The following TTN variants were observed in gnomAD, a reference collection of about 807,000 sequenced individuals.
TTN encodes the protein connectin.
A neutral mutation model predicts 3,223.0 loss-of-function variants in TTN; 1,525 were observed. The observed-to-expected ratio is 0.47, with a 90% confidence interval of 0.45 to 0.49. The LOEUF (loss-of-function observed/expected upper bound fraction) is 0.49. TTN is among the 20% of genes least tolerant of loss of function. The probability of loss-of-function intolerance (pLI) is 0.00; values close to 1 mark genes in which losing one functional copy is unlikely to be tolerated. For synonymous variants in TTN, 14,094 were observed against 15,161.0 expected, an observed-to-expected ratio of 0.93 and a Z score of 5.17; for missense variants, 40,786 against 43,424.0, an observed-to-expected ratio of 0.94 and a Z score of 5.40.
chr2:178,652,269 G>A lies in TTN; in HGVS notation c.39206C>T (p.Thr13069Ile). 2.5e-6 allele frequency: 4 copies of A among 1,613,574 alleles called. No homozygotes were observed. Among genetic ancestry groups the A allele is most frequent in the Non-Finnish European group, 2.5e-6 (3 of 1,179,684 alleles). Residue 13069 changes from threonine to isoleucine, a missense_variant, in exon 203 of 363, where the codon ACA (threonine) becomes ATA (isoleucine). By Grantham distance (89) the Thr-to-Ile change is moderately conservative (BLOSUM62 -1). Coordinates refer to ENST00000589042, the MANE Select transcript of TTN (RefSeq NM_001267550.2). ...PPPKKPEVPP[T>I]KVPEVPKVAV... ...AGCACCATGAGGGTGTCTACCTTTTGTGGGTGGCACTTCAGGCTTTTTAGG... is the reference window on the plus strand; with the variant it reads ...AGCACCATGAGGGTGTCTACCTTTTATGGGTGGCACTTCAGGCTTTTTAGG...
Position 178,548,414 on chromosome 2 carries a change from G to A in TTN, c.93212C>T (p.Thr31071Ile), listed in dbSNP as rs780080115. 1 of 1,613,862 alleles carries A rather than the reference G, an allele frequency of 6.2e-7. No individual in the cohort carries two copies. The highest frequency in any genetic ancestry group is 8.5e-7 in the Non-Finnish European group (1 of 1,179,804). Residue 31071 changes from threonine to isoleucine, a missense_variant, in exon 339 of 363, where the codon ACT (threonine) becomes ATT (isoleucine). Coordinates refer to ENST00000589042, the MANE Select transcript of TTN (RefSeq NM_001267550.2). This position sits in a 1 kb window ranked among gnomAD's most constrained non-coding sequence, Gnocchi z 4.3. ...GTCATTGACCTTGAAGATCTGACGA[G>A]TGCATTTTTCACTGATAACCTGCCA... ...RSWQVISEKCTRQIFKVNDLA... is the reference protein window; with the variant it reads ...RSWQVISEKCIRQIFKVNDLA...
chr2:178,599,634 C>G lies in TTN; in HGVS notation c.56267G>C (p.Arg18756Thr). The G allele has an allele frequency of 1.2e-6, 2 of 1,612,558 alleles. No individual in the cohort carries two copies. Among genetic ancestry groups the G allele is most frequent in the East Asian group, 2.2e-5 (1 of 44,786 alleles). The change falls in exon 289 of 363, where the codon AGG becomes ACG. Residue 18756 changes from arginine (R) to threonine (T), a missense_variant. Transcript: ENST00000589042. ...GATGGTATATAAGCCAGTGTCACTC[C>G]TGCGAGACTGCGGAATAACTAAAGT... ...TCTLVIPQSR[R>T]SDTGLYTITA... is the part of the protein sequence containing the mutation.
In TTN at chr2:178,593,097, G is replaced by T. The variant is rs563870758; in HGVS notation, c.59036-14C>A. 70 of 1,610,742 alleles carry T rather than the reference G, an allele frequency of 4.3e-5. No individual in the cohort carries two copies. The highest frequency in any genetic ancestry group is 5.7e-5 in the Non-Finnish European group (67 of 1,178,936). On this transcript the variant is annotated splice_polypyrimidine_tract_variant and intron_variant, in intron 299 of 362. Transcript: ENST00000589042. ...GACTTGGTTTAGCTAAAAAATAAAA[G>T]TAAAAAACGAATTAGCATATAGCTG...
In TTN at chr2:178,591,133, C is replaced by T; in HGVS notation, c.60592G>A (p.Asp20198Asn). The change falls in exon 304 of 363, where the codon GAT becomes AAT. Residue 20198 changes from aspartate (D) to asparagine (N), a missense_variant. Asp to Asn is a conservative substitution (Grantham distance 23). Coordinates refer to ENST00000589042, the MANE Select transcript of TTN (RefSeq NM_001267550.2). ...HMTISWQPPK[D>N]DGGSPVINYI... ...TTTATCACAGGGCTTCCTCCATCAT[C>T]CTTAGGTGGCTGCCATGAGATAGTC... 6.2e-7 allele frequency: 1 copy of T among 1,613,242 alleles called. No homozygotes were observed. Among genetic ancestry groups the T allele is most frequent in the South Asian group, 1.1e-5 (1 of 91,046 alleles).
In TTN at chr2:178,593,046, A is replaced by G. The variant is rs775577598; in HGVS notation, c.59073T>C (p.Asp19691=). 2.1e-5 allele frequency: 34 copies of G among 1,613,310 alleles called. No homozygotes were observed. The African/African-American group carries it at 2.9e-4, about 14-fold the overall frequency. The change falls in exon 300 of 363, where the codon GAT becomes GAC. Residue 19691 remains aspartate, a synonymous_variant. Transcript: ENST00000589042. ...PSPPVNPEAI[D]TTCNSVDLTW... is the part of the protein sequence containing the mutation. ...TTAGATCGACTGAATTGCATGTTGT[A>G]TCTATTGCTTCAGGATTAACAGGTG...
chr2:178,719,981 AC>A lies in TTN; in HGVS notation c.23659+1del. 1 of 1,603,040 alleles carries A rather than the reference AC, an allele frequency of 6.2e-7. No homozygotes were observed. The highest frequency in any genetic ancestry group is 8.5e-7 in the Non-Finnish European group (1 of 1,174,018). On this transcript the variant is annotated splice_donor_variant, in intron 81 of 362. Coordinates refer to ENST00000589042, the MANE Select transcript of TTN (RefSeq NM_001267550.2). LOFTEE classifies it high-confidence loss of function. ...TTTCTCTGGCTGTGCTTTGCTACTA[AC>A]CTAGTACAGTCAAGACTGCAGAGCA... is the stretch of plus-strand genomic sequence containing the variant.
rs1336964139 is a variant in TTN at position 178,782,828 on chromosome 2, T to A, written c.3078A>T (p.Thr1026=). Residue 1026 remains threonine (T), a synonymous_variant, in exon 18 of 363, where the codon ACA becomes ACT. Coordinates refer to ENST00000589042, the MANE Select transcript of TTN (RefSeq NM_001267550.2). ...SAVNEAGTVS[T]SCYLAVQVSE... ...AACCCTGCACAGCCAGATAGCAGGA[T>A]GTGCTGACGGTTCCAGCCTCATTTA... 6.2e-7 allele frequency: 1 copy of A among 1,613,280 alleles called. No homozygotes were observed. Among genetic ancestry groups the A allele is most frequent in the Admixed American group, 1.7e-5 (1 of 60,018 alleles).
chr2:178,724,385 C>T lies in TTN; in HGVS notation c.20990G>A (p.Ser6997Asn). 3 of 1,613,536 alleles carry T rather than the reference C, an allele frequency of 1.9e-6. No individual in the cohort carries two copies. The highest frequency in any genetic ancestry group is 1.1e-5 in the South Asian group (1 of 91,064). Residue 6997 changes from serine (S) to asparagine (N), a missense_variant, in exon 72 of 363, where the codon AGC becomes AAC. Coordinates refer to ENST00000589042, the MANE Select transcript of TTN (RefSeq NM_001267550.2). The stretch of plus-strand genomic sequence containing the variant: ...TAAGGAAGAGATTTTGTTGTAGAAG[C>T]TAAATTTGTGTTTTTGGCTGCTGGT... ...LLTSSQKHKF[S>N]FYNKISSLRI...
chr2:178,592,645 A>T lies in TTN; in HGVS notation c.59360T>A (p.Ile19787Asn), dbSNP rs768765076. 2.5e-6 allele frequency: 4 copies of T among 1,613,160 alleles called. No individual in the cohort carries two copies. The Admixed American group carries it at 6.7e-5, about 27-fold the overall frequency. The change falls in exon 301 of 363, where the codon ATT becomes AAT. Residue 19787 changes from isoleucine (I) to asparagine (N), a missense_variant. Coordinates refer to ENST00000589042, the MANE Select transcript of TTN (RefSeq NM_001267550.2). ...TTCTCTTGCCATGTTGGCATCAAGA[A>T]TCAACTCAGGGGGTTCTAGAATAAA... ...VKDRLEPPEL[I>N]LDANMAREQH...
Position 178,539,504 on chromosome 2 carries a change from G to T in TTN, c.98561C>A (p.Ser32854Tyr). Residue 32854 changes from serine (S) to tyrosine (Y), a missense_variant, in exon 352 of 363, where the codon TCT becomes TAT. Coordinates refer to ENST00000589042, the MANE Select transcript of TTN (RefSeq NM_001267550.2). The part of the protein sequence containing the change: ...YTIDSRVRGT[S>Y]LVVKGLKENV... ...CTCTTTGAGGCCTTTTACCACCAGA[G>T]ATGTACCTCGGACTCTGGAATCAAT... The T allele has an allele frequency of 6.2e-7, 1 of 1,613,810 alleles. No individual in the cohort carries two copies. The highest frequency in any genetic ancestry group is 8.5e-7 in the Non-Finnish European group (1 of 1,179,784).
rs2046725852 is a variant in TTN at position 178,577,582 on chromosome 2, A to G, written c.68824+20T>C. 20 of 1,560,860 alleles carry G rather than the reference A, an allele frequency of 1.3e-5. No homozygotes were observed. The South Asian group carries it at 2.3e-4, about 18-fold the overall frequency. ...ATTTGCTTTAAAAAAAAAAGTACAT[A>G]AAAAGTAAAATGGACCTACCGTATT... On this transcript the variant is annotated intron_variant, in intron 323 of 362. Transcript: ENST00000589042.
intron 157 of TTN, 143 bp from the exon 158 acceptor site, chr2:178,669,818 A>G (rs1161721332): frequency 1.2e-5 from 9 of 766,484 alleles, no homozygotes; most frequent in South Asian, 1.0e-4. Flanking sequence ...TAGTCATTGC[A>G]TTTCTCTGAA....
At position 178,573,840 on chromosome 2, in the gene TTN, C is replaced by T; in HGVS notation, c.72292G>A (p.Gly24098Ser). ...VNKDSTRRDS[G>S]AYTLTATNPG... ...TTAGTCGCTGTAAGGGTATAGGCAC[C>T]ACTATCCCTTCTTGTTGAATCTTTG... is the stretch of plus-strand genomic sequence containing the variant. The change falls in exon 326 of 363, where the codon GGT becomes AGT. Residue 24098 changes from glycine to serine, a missense_variant. By Grantham distance (56) the Gly-to-Ser change is moderately conservative. Transcript: ENST00000589042. 1 of 1,611,762 alleles carries T rather than the reference C, an allele frequency of 6.2e-7. No homozygotes were observed. The highest frequency in any genetic ancestry group is 1.1e-5 in the South Asian group (1 of 90,912).
chr2:178,540,093 TC>T lies in TTN; in HGVS notation c.98072del (p.Gly32691GlufsTer26). The T allele has an allele frequency of 6.2e-7, 1 of 1,606,926 alleles. No homozygotes were observed. On this transcript the variant is annotated frameshift_variant, in exon 351 of 363. Transcript: ENST00000589042. LOFTEE classifies it high-confidence loss of function. ...GGPGEPAEVP[G>X]TVKVTEMLEY... Reference sequence around the variant, plus strand: ...CAAGCATTTCAGTGACTTTGACTGTTCCTGGTACCTCAGCAGGCTCACCAGG... The same window carrying T: ...CAAGCATTTCAGTGACTTTGACTGTTCTGGTACCTCAGCAGGCTCACCAGG...
chr2:178,561,318 T>G lies in TTN; in HGVS notation c.84814A>C (p.Lys28272Gln), dbSNP rs1703583612. 5.0e-6 allele frequency: 8 copies of G among 1,613,726 alleles called. No individual in the cohort carries two copies. In the Middle Eastern group the frequency reaches 8.2e-4, roughly 166 times the overall value. Reference protein sequence around the residue: ...TNITRKSVSLKWSKPHYDGGA... With the variant: ...TNITRKSVSLQWSKPHYDGGA... ...CCATCATAATGTGGTTTAGACCATT[T>G]AAGTGACACTGATTTTCTTGTGATA... Residue 28272 changes from lysine to glutamine, a missense_variant, in exon 326 of 363, where the codon AAA becomes CAA. Physicochemically the swap from Lys to Gln is moderately conservative, Grantham distance 53. Transcript: ENST00000589042.
chr2:178,702,228 C>T lies in TTN; in HGVS notation c.30451G>A (p.Ala10151Thr), dbSNP rs965765805. ...GCTTCACCTCTTGGCTCCAGCCGAGCGATGACCGAGTAGACACCTAGGGTG... is the reference window on the plus strand; with the variant it reads ...GCTTCACCTCTTGGCTCCAGCCGAGTGATGACCGAGTAGACACCTAGGGTG... ...PDDEGVYSVI[A>T]RLEPRGEARS... The change falls in exon 108 of 363, where the codon GCT becomes ACT. Residue 10151 changes from alanine to threonine, a missense_variant. Ala to Thr is a moderately conservative substitution (Grantham distance 58). Transcript: ENST00000589042. The T allele has an allele frequency of 2.5e-6, 4 of 1,613,824 alleles. No homozygotes were observed. The highest frequency in any genetic ancestry group is 2.7e-5 in the African/African-American group (2 of 74,906).
chr2:178,617,894 A>G lies in TTN; in HGVS notation c.47457T>C (p.Thr15819=). 1.2e-6 allele frequency: 2 copies of G among 1,612,706 alleles called. No individual in the cohort carries two copies. The highest frequency in any genetic ancestry group is 1.7e-6 in the Non-Finnish European group (2 of 1,179,094). Residue 15819 remains threonine, a synonymous_variant, in exon 253 of 363, where the codon ACT becomes ACC. Coordinates refer to ENST00000589042, the MANE Select transcript of TTN (RefSeq NM_001267550.2). Reference sequence around the variant, plus strand: ...CCTGTCCTTCTACCACATCAGTAACAGTTGCAGACAGGTCTTCAGCTCTCA... The same window carrying G: ...CCTGTCCTTCTACCACATCAGTAACGGTTGCAGACAGGTCTTCAGCTCTCA... ...MTVRAEDLSA[T]VTDVVEGQEY...
At position 178,539,980 on chromosome 2, in the gene TTN, T is replaced by C. The variant is rs761796105; in HGVS notation, c.98099-14A>G. On this transcript the variant is annotated splice_polypyrimidine_tract_variant and intron_variant, in intron 351 of 362. Coordinates refer to ENST00000589042, the MANE Select transcript of TTN (RefSeq NM_001267550.2). ...AATCAGGATATTCTGGAAAAAAAGG[T>C]AGGGTTTCAATTTAGCATTTGGGGT... The C allele has an allele frequency of 1.2e-6, 2 of 1,609,412 alleles. No homozygotes were observed. The highest frequency in any genetic ancestry group is 2.2e-5 in the South Asian group (2 of 90,886).
chr2:178,612,449 G>A lies in TTN; in HGVS notation c.50076C>T (p.Asp16692=), dbSNP rs397517598. The change falls in exon 266 of 363, where the codon GAC becomes GAT. Residue 16692 remains aspartate (D), a synonymous_variant. Transcript: ENST00000589042. ...CTGTTTGCCAGCCTTTTCGCCTGACGTCTCTCTTTTCCACAATGTAGTTGG... is the reference window on the plus strand; with the variant it reads ...CTGTTTGCCAGCCTTTTCGCCTGACATCTCTCTTTTCCACAATGTAGTTGG... ...PITNYIVEKR[D]VRRKGWQTVD... The A allele has an allele frequency of 3.3e-5, 54 of 1,612,272 alleles. No individual in the cohort carries two copies. In the Admixed American group the frequency reaches 6.5e-4, roughly 19 times the overall value.
Sources: gnomAD v4.1 joint callset for allele counts on GRCh38, gnomAD v4.1.1 for gene constraint, Gnocchi (gnomAD v3.1) non-coding constraint, MANE v1.5 for transcripts, NCBI Gene and HGNC (gene_info 2026-07-23, HGNC 2026-07-21) for gene names.